NFIC: variants seen among roughly 807,000 people sequenced by gnomAD.
NFIC encodes the protein nuclear factor 1 C-type.
A neutral mutation model predicts 54.4 loss-of-function variants in NFIC; 12 were observed. The ratio of observed to expected loss-of-function variants is 0.22; its 90% CI spans 0.14 to 0.36. The LOEUF (loss-of-function observed/expected upper bound fraction) is 0.36. Ranked by LOEUF, NFIC falls within the 10% of genes least tolerant of loss-of-function variation. The pLI, the probability that NFIC is intolerant of heterozygous loss-of-function variation, is 1.00. For missense variants in NFIC, 575 were observed against 718.2 expected, an observed-to-expected ratio of 0.80 and a Z score of 2.28; for synonymous variants, 322 against 319.2, an observed-to-expected ratio of 1.01 and a Z score of -0.09.
In NFIC at chr19:3,435,434, C is replaced by G. The variant is rs1179486515; in HGVS notation, c.958+227C>G. ...CCGCTGCGGCGAAGGAGGGCAGAGA[C>G]TGTCCCCTGCCTGACTCTCCTGCCC... On this transcript the variant is annotated intron_variant, in intron 6 of 10. Transcript: ENST00000443272. 2.6e-5 allele frequency among the ~76,000 whole-genome samples: 4 copies of G among 152,230 alleles called. No individual in the cohort carries two copies. In the East Asian group the frequency reaches 7.7e-4, roughly 29 times the overall value.
At chr19:3,392,880 AT>A (rs1400989801) in intron 2 of NFIC, among the ~76,000 whole-genome samples, 1 of 152,156 alleles carries the variant, frequency 6.6e-6, no homozygotes, top group African/African-American at 2.4e-5. Flanking sequence ...GGGGCGAGGC[AT>A]TGCCCCGAGT....
At chr19:3,397,151 C>T (rs1392836991) in intron 2 of NFIC, among the ~76,000 whole-genome samples, 1 of 152,174 alleles carries the variant, frequency 6.6e-6, no homozygotes. Context: ...GTCTCACAAC[C>T]ACCCGCTGAG....
intron 3 of NFIC, among the ~76,000 whole-genome samples, chr19:3,431,528 C>T (rs201822032): frequency 1.3e-5 from 2 of 151,774 alleles, no homozygotes; most frequent in East Asian, 3.9e-4. Flanking sequence ...ACCACCACGC[C>T]CAGCTAATTT....
At position 3,462,984 on chromosome 19, in the gene NFIC, C is replaced by G; in HGVS notation, c.*215C>G. The G allele has an allele frequency of 7.1e-7, 1 of 1,415,942 alleles. No individual in the cohort carries two copies. The highest frequency in any genetic ancestry group is 9.2e-7 in the Non-Finnish European group (1 of 1,092,176). 87.7% of individuals were successfully genotyped at this position (1,415,942 alleles called of 1,614,324 possible). A position where few individuals can be genotyped will look rare whatever the true frequency, so the allele number is the denominator to read the frequency against. On this transcript the variant is annotated 3_prime_UTR_variant, in exon 11 of 11. Transcript: ENST00000443272. Reference sequence around the variant, plus strand: ...GAAGAAGAAGAAGAAGAAATAAAAACCCACCCAAGCAAGAAGACAAAAGGT... The same window carrying G: ...GAAGAAGAAGAAGAAGAAATAAAAAGCCACCCAAGCAAGAAGACAAAAGGT...
At position 3,400,337 on chromosome 19, in the gene NFIC, C is replaced by A. The variant is rs951276227; in HGVS notation, c.562+18094C>A. On this transcript the variant is annotated intron_variant, in intron 2 of 10. Coordinates refer to ENST00000443272, the MANE Select transcript of NFIC (RefSeq NM_001245002.2). ...AAAAATACAAAAAAAATTAGCCAGG[C>A]GTGATGGCAGGTGCCTGTTGTCCCA... Among the ~76,000 whole-genome samples the A allele has an allele frequency of 2.0e-5, 3 of 151,720 alleles. No individual in the cohort carries two copies. The East Asian group carries it at 5.8e-4, about 29-fold the overall frequency.
At chr19:3,394,533 C>CCG (rs1303364002) in intron 2 of NFIC, among the ~76,000 whole-genome samples, 2 of 110,648 alleles carry the variant, frequency 1.8e-5, no homozygotes, top group African/African-American at 3.8e-5. Context: ...ACCCCCCACC[C>CCG]GCTTACACTA....
At chr19:3,397,193 T>G (rs551310118) in intron 2 of NFIC, among the ~76,000 whole-genome samples, 3 of 152,006 alleles carry the variant, frequency 2.0e-5, no homozygotes, top group Non-Finnish European at 4.4e-5. Context: ...ATTTAACAGA[T>G]GGGGAAACTG....
At position 3,377,216 on chromosome 19, in the gene NFIC, C is replaced by T. The variant is rs955122514; in HGVS notation, c.31-4496C>T. On this transcript the variant is annotated intron_variant, in intron 1 of 10. Coordinates refer to ENST00000443272, the MANE Select transcript of NFIC (RefSeq NM_001245002.2). ...GGGCATGGTGGCGGGTGCCTGTAGT[C>T]CCAGCTATTCAGGAGGCTGAGGCAG... is the stretch of plus-strand genomic sequence containing the variant. Among the ~76,000 whole-genome samples, 16 of 150,586 alleles carry T rather than the reference C, an allele frequency of 1.1e-4. No individual in the cohort carries two copies. In the South Asian group the frequency reaches 3.4e-3, roughly 32 times the overall value.
chr19:3,366,091 G>A (rs1401855645), upstream of NFIC, among the ~76,000 whole-genome samples: 1 of 152,026 alleles, frequency 6.6e-6, no homozygotes, highest in Non-Finnish European at 1.5e-5. Context: ...GGTGATGGGG[G>A]GGTGGGGAGG....
intron 2 of NFIC, among the ~76,000 whole-genome samples, chr19:3,398,634 AC>A (rs2145528007): frequency 6.6e-6 from 1 of 152,092 alleles, no homozygotes; most frequent in African/African-American, 2.4e-5. Flanking sequence ...AGGCCCTCGG[AC>A]CCGGGCTGTA....
At chr19:3,450,299 C>G (rs1168260907) in intron 7 of NFIC, among the ~76,000 whole-genome samples, 1 of 146,324 alleles carries the variant, frequency 6.8e-6, no homozygotes, top group African/African-American at 2.5e-5. Flanking sequence ...GAGCCAAGAT[C>G]GTGCCAGTGC....
intron 1 of NFIC, among the ~76,000 whole-genome samples, chr19:3,371,998 C>CCTCTCTCTCCCTCT (rs2081027168): frequency 2.8e-5 from 1 of 35,370 alleles, no homozygotes; most frequent in Admixed American, 4.3e-4. Flanking sequence ...CCTCTCTCTC[C>CCTCTCTCTCCCTCT]CTCTCTCTCT....
chr19:3,426,703 G>A (rs957860966), intron 3 of NFIC, among the ~76,000 whole-genome samples: 1 of 151,840 alleles, frequency 6.6e-6, no homozygotes, highest in Non-Finnish European at 1.5e-5. Context: ...CTCTCTCCCC[G>A]TCGTCCACTC....
At chr19:3,398,992 G>A (rs1041080836) in intron 2 of NFIC, among the ~76,000 whole-genome samples, 10 of 152,236 alleles carry the variant, frequency 6.6e-5, no homozygotes, top group East Asian at 1.9e-4. Context: ...TCCCCAGGGC[G>A]GGGGTTCAGC....
chr19:3,387,349 A>G (rs543685978), intron 2 of NFIC, among the ~76,000 whole-genome samples: 1 of 152,228 alleles, frequency 6.6e-6, no homozygotes, highest in South Asian at 2.1e-4. Context: ...TAAAAATACA[A>G]AAATTAGCCG....
intron 2 of NFIC, among the ~76,000 whole-genome samples, chr19:3,384,626 C>G (rs12104241): frequency 6.6e-6 from 1 of 151,982 alleles, no homozygotes; most frequent in Non-Finnish European, 1.5e-5. Flanking sequence ...TGAACTCAAA[C>G]GATCCACTGG....
intron 2 of NFIC, among the ~76,000 whole-genome samples, chr19:3,406,171 C>T (rs2081645982): frequency 6.6e-6 from 1 of 152,200 alleles, no homozygotes; most frequent in Admixed American, 6.6e-5. Context: ...TGGCTCACTG[C>T]AACCTCCACC....
chr19:3,439,280 G>A (rs969520631), intron 6 of NFIC, among the ~76,000 whole-genome samples: 3 of 128,316 alleles, frequency 2.3e-5, no homozygotes, highest in Non-Finnish European at 4.7e-5. Context: ...GCTGCCCTGA[G>A]CTATGATCAT....
At chr19:3,436,753 G>A (rs2082209566) in intron 6 of NFIC, among the ~76,000 whole-genome samples, 6 of 152,140 alleles carry the variant, frequency 3.9e-5, no homozygotes, top group Admixed American at 3.9e-4. Context: ...GGGATGACAG[G>A]TGTGAGCCAC....
Sources: allele counts gnomAD v4.1 joint callset (sites outside exome capture counted in the v4.1 genomes callset), GRCh38; gene constraint gnomAD v4.1.1; transcripts MANE v1.5; gene names NCBI Gene and HGNC (gene_info 2026-07-23, HGNC 2026-07-21).